Variants in PRKD1 observed in about 807,000 individuals in gnomAD.
PRKD1 encodes protein kinase D1.
A neutral mutation model predicts 95.9 loss-of-function variants in PRKD1; 63 were observed. The observed-to-expected ratio is 0.66, with a 90% CI of 0.54 to 0.81. The LOEUF (loss-of-function observed/expected upper bound fraction) is 0.81, where lower values mean the gene tolerates loss of function less well. PRKD1 is among the 30% of genes least tolerant of loss of function. The probability of loss-of-function intolerance (pLI) is 0.00; values close to 1 mark genes in which losing one functional copy is unlikely to be tolerated. For missense variants in PRKD1, 1,048 were observed against 1,165.3 expected (o/e 0.90, Z 1.47); for synonymous variants, 425 against 423.1 (o/e 1.00, Z -0.05).
intron 7 of PRKD1, among the ~76,000 whole-genome samples, chr14:29,635,398 G>A (rs1441964205): frequency 6.6e-6 from 1 of 151,710 alleles, no homozygotes; most frequent in Non-Finnish European, 1.5e-5. Context: ...AAACTCTTTG[G>A]TACTAAAGAA....
chr14:29,882,317 C>T lies in PRKD1; in HGVS notation c.264+44932G>A, dbSNP rs185548567. 1.2e-4 allele frequency among the ~76,000 whole-genome samples: 18 copies of T among 152,290 alleles called. 1 individual carries two copies. Among genetic ancestry groups the T allele is most frequent in the African/African-American group, 4.1e-4 (17 of 41,574 alleles). ...GACAAATAGTGACTCACCACTGAAACTTAACCAATGTTGTCTAATATATTT... is the reference window on the plus strand; with the variant it reads ...GACAAATAGTGACTCACCACTGAAATTTAACCAATGTTGTCTAATATATTT... On this transcript the variant is annotated intron_variant, in intron 1 of 17. Coordinates refer to ENST00000331968, the MANE Select transcript of PRKD1 (RefSeq NM_002742.3).
At chr14:29,756,068 T>C (rs1245612881) in intron 1 of PRKD1, among the ~76,000 whole-genome samples, 2 of 152,130 alleles carry the variant, frequency 1.3e-5, no homozygotes, top group Non-Finnish European at 2.9e-5. Flanking sequence ...TATAGTCATA[T>C]CTATATCTAT....
chr14:29,762,891 A>G (rs1249797541), intron 1 of PRKD1, among the ~76,000 whole-genome samples: 2 of 152,078 alleles, frequency 1.3e-5, no homozygotes, highest in Non-Finnish European at 1.5e-5. Context: ...TTACAGGCAC[A>G]TGCCACCACG....
intron 1 of PRKD1, among the ~76,000 whole-genome samples, chr14:29,845,457 A>AT (rs1472327446): frequency 9.2e-5 from 14 of 152,146 alleles, no homozygotes; most frequent in Non-Finnish European, 1.5e-4. Flanking sequence ...GCAAAATTAC[A>AT]TTTTTTGTAT....
intron 16 of PRKD1, among the ~76,000 whole-genome samples, chr14:29,584,199 CA>C (rs1274188532): frequency 1.3e-5 from 2 of 152,128 alleles, no homozygotes; most frequent in Admixed American, 1.3e-4. Context: ...CAACAAAATA[CA>C]GAATTATATT....
intron 1 of PRKD1, among the ~76,000 whole-genome samples, chr14:29,828,113 A>T (rs575814539): frequency 8.5e-5 from 13 of 152,128 alleles, no homozygotes; most frequent in Non-Finnish European, 1.8e-4. Context: ...TCACATTTAC[A>T]TATTAGTGTT....
intron 1 of PRKD1, among the ~76,000 whole-genome samples, chr14:29,822,709 A>G (rs1344352543): frequency 1.3e-5 from 2 of 151,998 alleles, no homozygotes; most frequent in African/African-American, 4.8e-5. Flanking sequence ...AGATCTAAGT[A>G]CAGAATCCTG....
intron 1 of PRKD1, among the ~76,000 whole-genome samples, chr14:29,822,068 T>A (rs1323000972): frequency 6.6e-6 from 1 of 152,224 alleles, no homozygotes; most frequent in Non-Finnish European, 1.5e-5. Flanking sequence ...ATTTGTTTCA[T>A]ATTTATTTTT....
chr14:29,834,402 AGTTT>A (rs1450870527), intron 1 of PRKD1, among the ~76,000 whole-genome samples: 1 of 152,060 alleles, frequency 6.6e-6, no homozygotes, highest in Non-Finnish European at 1.5e-5. Context: ...GATTCTCTTT[AGTTT>A]GTTTTATATA....
At chr14:29,764,016 T>C (rs753099219) in intron 1 of PRKD1, among the ~76,000 whole-genome samples, 1 of 152,178 alleles carries the variant, frequency 6.6e-6, no homozygotes, top group Non-Finnish European at 1.5e-5. Flanking sequence ...TGTACATACG[T>C]AAGTGTGTGT....
At chr14:29,801,273 C>T (rs965582549) in intron 1 of PRKD1, among the ~76,000 whole-genome samples, 3 of 152,152 alleles carry the variant, frequency 2.0e-5, no homozygotes, top group African/African-American at 7.2e-5. Context: ...AAGGCTAATG[C>T]CTCTACTTAA....
intron 2 of PRKD1, among the ~76,000 whole-genome samples, chr14:29,715,650 T>A (rs1455558368): frequency 6.6e-6 from 1 of 152,114 alleles, no homozygotes; most frequent in East Asian, 1.9e-4. Context: ...AACCAAAGGT[T>A]TTTTCAAACA....
chr14:29,747,515 C>G (rs904994066), intron 1 of PRKD1, among the ~76,000 whole-genome samples: 1 of 152,072 alleles, frequency 6.6e-6, no homozygotes, highest in East Asian at 1.9e-4. Context: ...CATAGCAGCA[C>G]TATTCACAAT....
At chr14:29,669,082 G>C (rs1318345881) in intron 2 of PRKD1, among the ~76,000 whole-genome samples, 1 of 152,042 alleles carries the variant, frequency 6.6e-6, no homozygotes, top group Non-Finnish European at 1.5e-5. Flanking sequence ...TTTTTAAAGA[G>C]TACAATTAAA....
chr14:29,648,976 C>T (rs1020154760), intron 4 of PRKD1, among the ~76,000 whole-genome samples: 1 of 152,156 alleles, frequency 6.6e-6, no homozygotes, highest in African/African-American at 2.4e-5. Flanking sequence ...TTATCTGCAC[C>T]CTGAAGCACC....
At chr14:29,916,635 T>A (rs892698394) in intron 1 of PRKD1, among the ~76,000 whole-genome samples, 4 of 152,066 alleles carry the variant, frequency 2.6e-5, no homozygotes, top group African/African-American at 9.7e-5. Flanking sequence ...CGACTCTTGG[T>A]CACCCATGTT....
intron 1 of PRKD1, among the ~76,000 whole-genome samples, chr14:29,749,358 A>G (rs1887374258): frequency 1.3e-5 from 2 of 152,202 alleles, no homozygotes; most frequent in South Asian, 4.1e-4. Context: ...ACCCCAGGAT[A>G]GAAGTTTTGT....
At chr14:29,823,199 A>C (rs1306053618) in intron 1 of PRKD1, among the ~76,000 whole-genome samples, 1 of 152,170 alleles carries the variant, frequency 6.6e-6, no homozygotes, top group Non-Finnish European at 1.5e-5. Context: ...TTGATACTGT[A>C]AATAACAACA....
At chr14:29,679,789 G>A (rs893971174) in intron 2 of PRKD1, among the ~76,000 whole-genome samples, 23 of 149,692 alleles carry the variant, frequency 1.5e-4, no homozygotes, top group Admixed American at 1.3e-3. Flanking sequence ...GAGCAGTGGT[G>A]CAATCTTGGC....
Sources: allele counts gnomAD v4.1 joint callset (sites outside exome capture counted in the v4.1 genomes callset), GRCh38; gene constraint gnomAD v4.1.1; transcripts MANE v1.5; gene names NCBI Gene and HGNC (gene_info 2026-07-23, HGNC 2026-07-21).